Variants in SLC30A8 observed in about 807,000 individuals in gnomAD.
SLC30A8 encodes solute carrier family 30 member 8.
A neutral mutation model predicts 36.9 loss-of-function variants in SLC30A8; 27 were observed. The observed-to-expected ratio is 0.73, with a 90% CI of 0.54 to 1.01. The LOEUF (loss-of-function observed/expected upper bound fraction) is 1.01, where lower values mean the gene tolerates loss of function less well. Ranked by LOEUF, SLC30A8 falls within the 50% of genes least tolerant of loss-of-function variation. The probability of loss-of-function intolerance (pLI) is 0.00; values close to 1 mark genes in which losing one functional copy is unlikely to be tolerated. For synonymous variants in SLC30A8, 164 were observed against 172.4 expected (o/e 0.95, Z 0.38); for missense variants, 439 against 452.0 (o/e 0.97, Z 0.26).
intron 1 of SLC30A8, among the ~76,000 whole-genome samples, chr8:116,989,007 T>A (rs927676690): frequency 2.6e-5 from 4 of 152,152 alleles, no homozygotes; most frequent in Non-Finnish European, 5.9e-5. Flanking sequence ...CTAACACAAG[T>A]GATTGGATAA....
At chr8:117,077,890 G>T (rs1476895196) in intron 2 of SLC30A8, among the ~76,000 whole-genome samples, 3 of 152,138 alleles carry the variant, frequency 2.0e-5, no homozygotes, top group African/African-American at 4.8e-5. Flanking sequence ...CTTGGTTTTT[G>T]ATATGGATTT....
intron 1 of SLC30A8, among the ~76,000 whole-genome samples, chr8:117,015,963 CT>C (rs1816504497): frequency 6.6e-6 from 1 of 151,976 alleles, no homozygotes; most frequent in Non-Finnish European, 1.5e-5. Flanking sequence ...ACAGGTGTGT[CT>C]AATGGTTTGG....
At chr8:117,141,645 AC>A (rs1261323065) in intron 1 of SLC30A8, among the ~76,000 whole-genome samples, 5 of 152,220 alleles carry the variant, frequency 3.3e-5, no homozygotes, top group Middle Eastern at 3.4e-3. Context: ...AGCACCCATC[AC>A]CTGAGCAGTG....
At chr8:117,113,299 A>T (rs1820309022) in intron 2 of SLC30A8, among the ~76,000 whole-genome samples, 1 of 152,168 alleles carries the variant, frequency 6.6e-6, no homozygotes, top group Non-Finnish European at 1.5e-5. Flanking sequence ...ACTGACTGAT[A>T]CTGGTTGCCA....
chr8:117,008,730 G>A (rs1816255171), intron 1 of SLC30A8, among the ~76,000 whole-genome samples: 1 of 152,186 alleles, frequency 6.6e-6, no homozygotes, highest in Non-Finnish European at 1.5e-5. Flanking sequence ...TTTACCTCAA[G>A]GCCCCCTTCT....
At chr8:117,126,542 C>T (rs1820910099) in intron 2 of SLC30A8, among the ~76,000 whole-genome samples, 1 of 143,854 alleles carries the variant, frequency 7.0e-6, no homozygotes, top group Non-Finnish European at 1.5e-5. Context: ...CATCATCCAC[C>T]AACCCATCCA....
In SLC30A8 at chr8:117,135,166, T is replaced by C; in HGVS notation, c.-162T>C. The stretch of plus-strand genomic sequence containing the variant: ...AAGGAGGCTGTAATTTTAGCAGACC[T>C]ACCAACAACACTGATGTAGGAAGCT... On this transcript the variant is annotated 5_prime_UTR_variant, in exon 1 of 8. Coordinates refer to ENST00000456015, the MANE Select transcript of SLC30A8 (RefSeq NM_173851.3). 2.2e-6 allele frequency: 1 copy of C among 456,744 alleles called. No homozygotes were observed. The allele number at this position is 456,744 out of a possible 1,614,324, so 28.3% of individuals were successfully genotyped here. A position where few individuals can be genotyped will look rare whatever the true frequency, so the allele number is the denominator to read the frequency against.
At chr8:117,037,836 G>C (rs182822090) in intron 1 of SLC30A8, among the ~76,000 whole-genome samples, 46 of 152,296 alleles carry the variant, frequency 3.0e-4, no homozygotes, top group Non-Finnish European at 5.9e-4. Flanking sequence ...TCTGTGGTAA[G>C]GGAGGCAAGA....
At chr8:117,074,960 T>C (rs1315326329) in intron 2 of SLC30A8, among the ~76,000 whole-genome samples, 1 of 152,308 alleles carries the variant, frequency 6.6e-6, no homozygotes. Flanking sequence ...CTTGGAATTA[T>C]GCATTAGTTT....
chr8:116,966,043 C>G (rs961422431), intron 1 of SLC30A8, among the ~76,000 whole-genome samples: 2 of 151,954 alleles, frequency 1.3e-5, no homozygotes, highest in African/African-American at 2.4e-5. Flanking sequence ...ACCACCATGC[C>G]TGGCTAATTT....
intron 1 of SLC30A8, among the ~76,000 whole-genome samples, chr8:116,992,069 A>G (rs1428787800): frequency 6.6e-6 from 1 of 152,206 alleles, no homozygotes; most frequent in African/African-American, 2.4e-5. Flanking sequence ...ATATTTCACT[A>G]GGGAGATTTA....
chr8:116,985,293 TACACACACACACACACACACACAC>T (rs71305454), intron 1 of SLC30A8, among the ~76,000 whole-genome samples: 1 of 140,236 alleles, frequency 7.1e-6, no homozygotes, highest in Non-Finnish European at 1.6e-5. Flanking sequence ...CTCACACACA[TACACACACACACACACACACACAC>T]ACACACACAC....
chr8:117,172,568 GA>G lies in SLC30A8; in HGVS notation c.1000del (p.Ile334LeufsTer47). On this transcript the variant is annotated frameshift_variant, in exon 8 of 8. Coordinates refer to ENST00000456015, the MANE Select transcript of SLC30A8 (RefSeq NM_173851.3). LOFTEE classifies it high-confidence loss of function. Reference sequence around the variant, plus strand: ...CCGGGACAGCCAAGTGGTTCGGAGAGAAATTGCTAAAGCCCTTAGCAAAAGC... The same window carrying G: ...CCGGGACAGCCAAGTGGTTCGGAGAGAATTGCTAAAGCCCTTAGCAAAAGC... ...ASRDSQVVRR[E>X]IAKALSKSFT... 6.2e-7 allele frequency: 1 copy of G among 1,613,714 alleles called. No homozygotes were observed. The highest frequency in any genetic ancestry group is 8.5e-7 in the Non-Finnish European group (1 of 1,179,718).
intron 1 of SLC30A8, among the ~76,000 whole-genome samples, chr8:116,999,253 C>T (rs376599044): frequency 6.6e-6 from 1 of 152,004 alleles, no homozygotes; most frequent in African/African-American, 2.4e-5. Flanking sequence ...AGGGAGACTC[C>T]GTCTCAAAAA....
intron 1 of SLC30A8, among the ~76,000 whole-genome samples, chr8:116,981,453 G>A (rs997582596): frequency 3.9e-5 from 6 of 152,108 alleles, no homozygotes; most frequent in Admixed American, 3.9e-4. Flanking sequence ...TACGTGTGTA[G>A]GTTTGTTATA....
intron 1 of SLC30A8, among the ~76,000 whole-genome samples, chr8:116,994,547 G>T (rs916485671): frequency 6.6e-6 from 1 of 152,110 alleles, no homozygotes; most frequent in Non-Finnish European, 1.5e-5. Flanking sequence ...AGTTCTGTAG[G>T]ATTCTATTTG....
chr8:116,974,770 G>A (rs7012378), intron 1 of SLC30A8, among the ~76,000 whole-genome samples: 68,299 of 151,782 alleles, frequency 0.45, 16,119 homozygotes, highest in African/African-American at 0.59. Flanking sequence ...CACAATAACA[G>A]AGACGTAGAA....
intron 1 of SLC30A8, among the ~76,000 whole-genome samples, chr8:117,028,662 C>G (rs1207514737): frequency 6.6e-6 from 1 of 151,642 alleles, no homozygotes; most frequent in Non-Finnish European, 1.5e-5. Context: ...AGTTTCTGAG[C>G]CTCTGAATCT....
chr8:117,163,425 C>T lies in SLC30A8; in HGVS notation c.724C>T (p.Pro242Ser). 6.2e-7 allele frequency: 1 copy of T among 1,606,500 alleles called. No individual in the cohort carries two copies. The highest frequency in any genetic ancestry group is 8.5e-7 in the Non-Finnish European group (1 of 1,176,948). Residue 242 changes from proline to serine, a missense_variant and splice_region_variant, in exon 6 of 8, where the codon CCA (proline) becomes TCA (serine). Physicochemically the swap from Pro to Ser is moderately conservative, Grantham distance 74. Transcript: ENST00000456015. ...CCAAAATCCCTGTTTTTTTTTCTAG[C>T]CAGAGTATAAAATAGCCGACCCAAT... ...LISALIIYFK[P>S]EYKIADPICT... is the part of the protein sequence containing the mutation.
Sources: allele counts gnomAD v4.1 joint callset (sites outside exome capture counted in the v4.1 genomes callset), GRCh38; gene constraint gnomAD v4.1.1; transcripts MANE v1.5; gene names NCBI Gene and HGNC (gene_info 2026-07-23, HGNC 2026-07-21).